ITPRID1: variants seen among roughly 807,000 people sequenced by gnomAD.
ITPRID1 encodes ITPR interacting domain containing 1, also known as protein ITPRID1.
ITPRID1 carries 96 observed loss-of-function variants against 95.4 expected under a neutral mutation model. The ratio of observed to expected loss-of-function variants is 1.01; its 90% CI spans 0.85 to 1.19. The LOEUF (loss-of-function observed/expected upper bound fraction) is 1.19. ITPRID1 is among the 50% of genes most tolerant of loss of function. ITPRID1 has a pLI of 0.00. For missense variants in ITPRID1, 1,339 were observed against 1,252.9 expected (o/e 1.07, Z -1.04); for synonymous variants, 510 against 453.6 (o/e 1.12, Z -1.58).
At chr7:31,515,478 G>T (rs771444494) in intron 1 of ITPRID1, among the ~76,000 whole-genome samples, 47 of 152,148 alleles carry the variant, frequency 3.1e-4, no homozygotes, top group Non-Finnish European at 4.7e-4. Flanking sequence ...AGGAGGCTGA[G>T]ACAGGAGAAT....
chr7:31,514,551 A>G (rs888236351), intron 1 of ITPRID1, among the ~76,000 whole-genome samples: 7 of 152,162 alleles, frequency 4.6e-5, no homozygotes, highest in Non-Finnish European at 8.8e-5. Context: ...GAGCTAGCCA[A>G]TTCCAGGGAA....
intron 9 of ITPRID1, among the ~76,000 whole-genome samples, chr7:31,578,849 G>A (rs946929776): frequency 3.3e-5 from 5 of 152,056 alleles, no homozygotes; most frequent in African/African-American, 7.2e-5. Context: ...CTTTAGCAGC[G>A]TGAGCTCGTT....
intron 10 of ITPRID1, among the ~76,000 whole-genome samples, chr7:31,613,907 G>A (rs1213512718): frequency 6.6e-6 from 1 of 152,218 alleles, no homozygotes; most frequent in African/African-American, 2.4e-5. Context: ...TAATGCATAT[G>A]TAGGGGGAGG....
chr7:31,646,644 G>A (rs1290412712), intron 12 of ITPRID1, among the ~76,000 whole-genome samples: 1 of 152,174 alleles, frequency 6.6e-6, no homozygotes, highest in East Asian at 1.9e-4. Context: ...GCTGTGTGGA[G>A]AGATTTGGCA....
At chr7:31,519,618 C>CTATATATATATATA (rs1436134437) in intron 1 of ITPRID1, among the ~76,000 whole-genome samples, 9 of 31,690 alleles carry the variant, frequency 2.8e-4, no homozygotes, top group Non-Finnish European at 4.3e-4. Flanking sequence ...CTCTCTCTCT[C>CTATATATATATATA]TCTATATATA....
intron 10 of ITPRID1, among the ~76,000 whole-genome samples, chr7:31,627,761 T>C (rs1267980490): frequency 6.6e-6 from 1 of 152,014 alleles, no homozygotes; most frequent in Admixed American, 6.6e-5. Context: ...TGCACATCTT[T>C]CTTTTAAGCT....
chr7:31,519,137 C>T (rs1043545698), intron 1 of ITPRID1, among the ~76,000 whole-genome samples: 2 of 152,088 alleles, frequency 1.3e-5, no homozygotes, highest in Non-Finnish European at 2.9e-5. Flanking sequence ...ATGCTCAAGA[C>T]GCCAGGTCCT....
chr7:31,616,780 GTTTCTAAA>G (rs988926618), intron 10 of ITPRID1, among the ~76,000 whole-genome samples: 10 of 147,726 alleles, frequency 6.8e-5, no homozygotes, highest in African/African-American at 2.6e-4. Flanking sequence ...AACCAAAAAG[GTTTCTAAA>G]TTTCATTTTT....
Position 31,549,493 on chromosome 7 carries a change from A to G in ITPRID1, c.-30A>G. 6.6e-7 allele frequency: 1 copy of G among 1,525,408 alleles called. No individual in the cohort carries two copies. Among genetic ancestry groups the G allele is most frequent in the Non-Finnish European group, 8.8e-7 (1 of 1,141,794 alleles). The allele number at this position is 1,525,408 out of a possible 1,614,324, so 94.5% of individuals were successfully genotyped here. A position where few individuals can be genotyped will look rare whatever the true frequency, so the allele number is the denominator to read the frequency against. On this transcript the variant is annotated 5_prime_UTR_variant, in exon 2 of 15. In the 5' UTR this introduces an upstream ATG that the reference lacks. Coordinates refer to ENST00000615280, the MANE Select transcript of ITPRID1 (RefSeq NM_001257967.3). The stretch of plus-strand genomic sequence containing the variant: ...GGAAAAAGAAAGAAAACTGACCAAT[A>G]TGAGTGGTGATTGTTTTGGATATAT...
intron 1 of ITPRID1, among the ~76,000 whole-genome samples, chr7:31,535,481 T>C (rs1378371461): frequency 1.3e-5 from 2 of 152,112 alleles, no homozygotes; most frequent in East Asian, 1.9e-4. Context: ...CATATAGATG[T>C]ATATATATTT....
intron 10 of ITPRID1, among the ~76,000 whole-genome samples, chr7:31,600,827 G>A (rs1786363445): frequency 6.6e-6 from 1 of 152,036 alleles, no homozygotes; most frequent in South Asian, 2.1e-4. Context: ...TTCTTCCTGG[G>A]GCTTGAATTC....
chr7:31,565,138 A>C (rs1369204920), intron 5 of ITPRID1, among the ~76,000 whole-genome samples: 1 of 152,210 alleles, frequency 6.6e-6, no homozygotes, highest in Admixed American at 6.5e-5. Context: ...TAAATGTTGG[A>C]AAAAGCTATC....
intron 1 of ITPRID1, chr7:31,529,314 A>G (rs780478478): frequency 1.9e-5 from 3 of 155,730 alleles, no homozygotes; most frequent in Non-Finnish European, 4.3e-5. Flanking sequence ...TGTCATAACC[A>G]TGGTAGCCAA....
intron 10 of ITPRID1, among the ~76,000 whole-genome samples, chr7:31,597,783 C>A (rs750655435): frequency 6.6e-6 from 1 of 151,950 alleles, no homozygotes; most frequent in African/African-American, 2.4e-5. Context: ...GCAAGCTTGT[C>A]CTAAAATTCA....
At chr7:31,634,135 C>T (rs892439941) in intron 10 of ITPRID1, among the ~76,000 whole-genome samples, 2 of 152,282 alleles carry the variant, frequency 1.3e-5, no homozygotes, top group African/African-American at 2.4e-5. Context: ...GTGCCTGAGG[C>T]GTCTGTCTCC....
intron 13 of ITPRID1, 44 bp downstream of exon 13, chr7:31,651,313 A>G: frequency 6.3e-7 from 1 of 1,597,126 alleles, no homozygotes. Context: ...CAGCCCACAC[A>G]CCTGGAGCAA....
Position 31,643,332 on chromosome 7 carries a change from T to A in ITPRID1, c.1962T>A (p.Thr654=), listed in dbSNP as rs553891513. 6.2e-7 allele frequency: 1 copy of A among 1,614,006 alleles called. No individual in the cohort carries two copies. The highest frequency in any genetic ancestry group is 1.1e-5 in the South Asian group (1 of 91,080). ...ACAGTGAAATCACACCTTATGCAACTGACCTTGCTCAAACATCTGAAAAGC... is the reference window on the plus strand; with the variant it reads ...ACAGTGAAATCACACCTTATGCAACAGACCTTGCTCAAACATCTGAAAAGC... ...PKHSEITPYA[T]DLAQTSEKLI... Residue 654 remains threonine, a synonymous_variant, in exon 12 of 15, where the codon ACT becomes ACA. Coordinates refer to ENST00000615280, the MANE Select transcript of ITPRID1 (RefSeq NM_001257967.3).
In ITPRID1 at chr7:31,651,162, A is replaced by G; in HGVS notation, c.2604A>G (p.Glu868=). ...ELCSCTVHEM[E]AMKTICQSFR... Reference sequence around the variant, plus strand: ...CTCAGTGCACAGTCCATGAGATGGAAGCCATGAAGACGATATGCCAAAGTT... The same window carrying G: ...CTCAGTGCACAGTCCATGAGATGGAGGCCATGAAGACGATATGCCAAAGTT... Residue 868 remains glutamate, a synonymous_variant, in exon 13 of 15, where the codon GAA becomes GAG. Transcript: ENST00000615280. The G allele has an allele frequency of 6.2e-7, 1 of 1,613,494 alleles. No homozygotes were observed. The highest frequency in any genetic ancestry group is 1.1e-5 in the South Asian group (1 of 91,052).
chr7:31,592,460 T>C (rs1009601364), intron 10 of ITPRID1, among the ~76,000 whole-genome samples: 1 of 152,228 alleles, frequency 6.6e-6, no homozygotes, highest in African/African-American at 2.4e-5. Context: ...GATTAAGATG[T>C]TACTCAAAAT....
Sources: allele counts gnomAD v4.1 joint callset (sites outside exome capture counted in the v4.1 genomes callset), GRCh38; gene constraint gnomAD v4.1.1; transcripts MANE v1.5; gene names NCBI Gene and HGNC (gene_info 2026-07-23, HGNC 2026-07-21).